Variants in BTN2A1 observed in about 807,000 individuals in gnomAD.
BTN2A1 encodes butyrophilin, subfamily 2, member A1.
A neutral mutation model predicts 34.5 loss-of-function variants in BTN2A1; 41 were observed. That is an observed-to-expected ratio of 1.19 (90% CI 0.93 to 1.54). The LOEUF is 1.54. BTN2A1 is among the 40% of genes most tolerant of loss of function. BTN2A1 has a pLI of 0.00. For missense variants in BTN2A1, 642 were observed against 662.0 expected, an observed-to-expected ratio of 0.97 and a Z score of 0.33; for synonymous variants, 267 against 258.6, an observed-to-expected ratio of 1.03 and a Z score of -0.31.
downstream of BTN2A1, among the ~76,000 whole-genome samples, chr6:26,471,005 AT>A (rs1266961830): frequency 5.3e-5 from 8 of 152,180 alleles, no homozygotes; most frequent in African/African-American, 1.9e-4. Context: ...GACTGAAACG[AT>A]CAGGCATCTA....
Position 26,468,235 on chromosome 6 carries a change from T to C in BTN2A1, c.1270T>C (p.Leu424=), listed in dbSNP as rs755914592. ...LLIPQNGFWT[L]EMHKGQYRAV... is the part of the protein sequence containing the mutation. The stretch of plus-strand genomic sequence containing the variant: ...GATTCCTCAGAATGGCTTCTGGACC[T>C]TGGAGATGCATAAAGGGCAATACCG... The change falls in exon 8 of 8, where the codon TTG becomes CTG. Residue 424 remains leucine, a synonymous_variant. Coordinates refer to ENST00000312541, the MANE Select transcript of BTN2A1 (RefSeq NM_007049.5). 1.3e-4 allele frequency: 213 copies of C among 1,614,076 alleles called. No individual in the cohort carries two copies. Among genetic ancestry groups the C allele is most frequent in the Non-Finnish European group, 1.6e-4 (186 of 1,180,038 alleles).
intron 7 of BTN2A1, among the ~76,000 whole-genome samples, chr6:26,467,116 T>G (rs770888064): frequency 1.2e-4 from 18 of 152,192 alleles, no homozygotes; most frequent in Non-Finnish European, 2.9e-5. Context: ...AAGTCAGTTG[T>G]GATCTGGTAA....
downstream of BTN2A1, among the ~76,000 whole-genome samples, chr6:26,472,884 C>A (rs999082516): frequency 1.3e-5 from 2 of 152,044 alleles, no homozygotes; most frequent in South Asian, 4.1e-4. Flanking sequence ...TGGGTCCAGG[C>A]CTGTTTTATG....
At chr6:26,462,560 G>A (rs1251789531) in intron 3 of BTN2A1, among the ~76,000 whole-genome samples, 7 of 152,134 alleles carry the variant, frequency 4.6e-5, no homozygotes, top group South Asian at 4.1e-4. Context: ...AACAACAAAA[G>A]CAATACTGCC....
Position 26,468,095 on chromosome 6 carries a change from GC to G in BTN2A1, c.1132del (p.Arg378GlyfsTer18), listed in dbSNP as rs1763367755. 6.2e-7 allele frequency: 1 copy of G among 1,614,076 alleles called. No homozygotes were observed. The highest frequency in any genetic ancestry group is 1.7e-5 in the Admixed American group (1 of 59,998). On this transcript the variant is annotated frameshift_variant, in exon 8 of 8. Transcript: ENST00000312541. LOFTEE classifies it low-confidence loss of function (END_TRUNC). ...ERFDSQPCVL[G>X]RESFASGKHY... Reference sequence around the variant, plus strand: ...TTCGACAGTCAGCCTTGTGTCCTAGGCCGGGAGAGCTTCGCTTCAGGGAAAC... The same window carrying G: ...TTCGACAGTCAGCCTTGTGTCCTAGGCGGGAGAGCTTCGCTTCAGGGAAAC...
downstream of BTN2A1, among the ~76,000 whole-genome samples, chr6:26,470,930 A>G (rs1763438315): frequency 6.6e-6 from 1 of 152,120 alleles, no homozygotes; most frequent in Non-Finnish European, 1.5e-5. Context: ...GCATGAGTCA[A>G]TTCCCTTAAT....
downstream of BTN2A1, among the ~76,000 whole-genome samples, chr6:26,473,132 T>C (rs181299355): frequency 8.9e-4 from 135 of 152,258 alleles, no homozygotes; most frequent in African/African-American, 3.2e-3. Flanking sequence ...GCTTTCAGGC[T>C]TTAAACTGTC....
At chr6:26,470,063 A>G (rs1472231839), downstream of BTN2A1, among the ~76,000 whole-genome samples, 1 of 151,958 alleles carries the variant, frequency 6.6e-6, no homozygotes, top group Non-Finnish European at 1.5e-5. Flanking sequence ...AAACCAAAAC[A>G]CAGGTCGGGC....
At chr6:26,465,676 A>C in intron 5 of BTN2A1, 1 of 425,960 alleles carries the variant, frequency 2.3e-6, no homozygotes, top group African/African-American at 2.2e-5. Context: ...CTTGGAATGA[A>C]TCTCTCAGAG....
At chr6:26,474,244 G>A (rs1763501038), downstream of BTN2A1, among the ~76,000 whole-genome samples, 1 of 152,162 alleles carries the variant, frequency 6.6e-6, no homozygotes, top group African/African-American at 2.4e-5. Flanking sequence ...CCGAACTTCA[G>A]TCGGCGGCAG....
chr6:26,468,043 G>C lies in BTN2A1; in HGVS notation c.1078G>C (p.Glu360Gln). The C allele has an allele frequency of 6.2e-7, 1 of 1,614,212 alleles. No individual in the cohort carries two copies. The highest frequency in any genetic ancestry group is 8.5e-7 in the Non-Finnish European group (1 of 1,180,034). ...AAGGTGCCCCTTCAGGCACCTAGGGGAGAGCGTGCCTGACAACCCAGAGAG... is the reference window on the plus strand; with the variant it reads ...AAGGTGCCCCTTCAGGCACCTAGGGCAGAGCGTGCCTGACAACCCAGAGAG... ...VRRCPFRHLG[E>Q]SVPDNPERFD... Residue 360 changes from glutamate (E) to glutamine (Q), a missense_variant, in exon 8 of 8, where the codon GAG becomes CAG. Coordinates refer to ENST00000312541, the MANE Select transcript of BTN2A1 (RefSeq NM_007049.5).
intron 5 of BTN2A1, 125 bp from the exon 6 acceptor site, chr6:26,465,828 C>T (rs1216466803): frequency 1.9e-5 from 29 of 1,546,586 alleles, no homozygotes; most frequent in Non-Finnish European, 2.4e-5. Context: ...TCTGACAGTG[C>T]CCTAGGCATG....
chr6:26,463,427 C>T lies in BTN2A1; in HGVS notation c.614C>T (p.Thr205Met), dbSNP rs375240672. The change falls in exon 4 of 8, where the codon ACG becomes ATG. Residue 205 changes from threonine to methionine, a missense_variant. Coordinates refer to ENST00000312541, the MANE Select transcript of BTN2A1 (RefSeq NM_007049.5). The part of the protein sequence containing the change: ...PDADGLFMVT[T>M]AVIIRDKSVR... ...GCAGACGGCCTCTTCATGGTCACCA[C>T]GGCTGTGATCATCAGAGACAAGTCT... The T allele has an allele frequency of 2.0e-5, 33 of 1,614,166 alleles. No homozygotes were observed. Among genetic ancestry groups the T allele is most frequent in the Non-Finnish European group, 1.9e-5 (23 of 1,180,030 alleles).
downstream of BTN2A1, chr6:26,469,664 A>G (rs1422292876): frequency 6.6e-6 from 1 of 152,260 alleles, no homozygotes; most frequent in African/African-American, 2.4e-5. Flanking sequence ...TCCAGATCTA[A>G]TGTGTGGCTT....
In BTN2A1 at chr6:26,469,349, C is replaced by G. The variant is rs1763409090; in HGVS notation, c.*800C>G. The G allele has an allele frequency of 2.0e-6, 2 of 985,800 alleles. No homozygotes were observed. The highest frequency in any genetic ancestry group is 3.5e-5 in the African/African-American group (2 of 57,212). 61.1% of individuals were successfully genotyped at this position (985,800 alleles called of 1,614,324 possible). The stretch of plus-strand genomic sequence containing the variant: ...GGGGACACCAGTGGCTTCAAACTTC[C>G]TGGTTTCATGATATCTTGAGACGCC... On this transcript the variant is annotated 3_prime_UTR_variant, in exon 8 of 8. Transcript: ENST00000312541.
chr6:26,460,938 A>G (rs1763148854), intron 3 of BTN2A1, among the ~76,000 whole-genome samples: 1 of 152,104 alleles, frequency 6.6e-6, no homozygotes, highest in Non-Finnish European at 1.5e-5. Context: ...AAAAAGATAT[A>G]TTTGAGGACT....
At position 26,466,032 on chromosome 6, in the gene BTN2A1, A is replaced by G. The variant is rs757458442; in HGVS notation, c.956-30A>G. Reference sequence around the variant, plus strand: ...TTTGAGTTCTGCTCAGCAACATCTCATGACATTCGTCTCTGTCTGTCCCTT... The same window carrying G: ...TTTGAGTTCTGCTCAGCAACATCTCGTGACATTCGTCTCTGTCTGTCCCTT... On this transcript the variant is annotated intron_variant, in intron 6 of 7. Transcript: ENST00000312541. 35 of 1,612,838 alleles carry G rather than the reference A, an allele frequency of 2.2e-5. 2 individuals carry two copies. The highest frequency in any genetic ancestry group is 1.6e-4 in the Middle Eastern group (1 of 6,076).
intron 7 of BTN2A1, among the ~76,000 whole-genome samples, chr6:26,467,463 C>T (rs932350337): frequency 2.0e-5 from 3 of 152,138 alleles, no homozygotes; most frequent in Non-Finnish European, 4.4e-5. Flanking sequence ...AGGTGTGCAC[C>T]ACCATGCCCG....
chr6:26,465,842 G>A lies in BTN2A1; in HGVS notation c.935-111G>A, dbSNP rs914699707. ...TTCTGACAGTGCCCTAGGCATGAGG[G>A]AAGGGAGATGTTGCTGTTCATAGAA... On this transcript the variant is annotated intron_variant, in intron 5 of 7. Coordinates refer to ENST00000312541, the MANE Select transcript of BTN2A1 (RefSeq NM_007049.5). The A allele has an allele frequency of 2.7e-5, 42 of 1,566,694 alleles. 1 individual carries two copies. The Admixed American group carries it at 5.5e-4, about 20-fold the overall frequency.
Sources: gnomAD v4.1 joint callset for allele counts (sites outside exome capture counted in the v4.1 genomes callset) on GRCh38, gnomAD v4.1.1 for gene constraint, MANE v1.5 for transcripts, NCBI Gene and HGNC (gene_info 2026-07-23, HGNC 2026-07-21) for gene names.